CLEC16A: variants seen among roughly 807,000 people sequenced by gnomAD.
CLEC16A encodes the protein C-type lectin domain containing 16A.
In CLEC16A, 51 loss-of-function variants were observed where a neutral mutation model predicts 109.5. The ratio of observed to expected loss-of-function variants is 0.47; its 90% CI spans 0.37 to 0.59. The LOEUF (loss-of-function observed/expected upper bound fraction) is 0.59, where lower values mean the gene tolerates loss of function less well. Among genes scored for constraint, CLEC16A ranks in the 20% least tolerant of loss-of-function variants. The pLI, the probability that CLEC16A is intolerant of heterozygous loss-of-function variation, is 0.00. For synonymous variants in CLEC16A, 673 were observed against 564.2 expected (o/e 1.19, Z -2.73); for missense variants, 1,339 against 1,394.0 (o/e 0.96, Z 0.63).
At chr16:11,112,315 C>T (rs2051648218) in intron 19 of CLEC16A, among the ~76,000 whole-genome samples, 1 of 151,978 alleles carries the variant, frequency 6.6e-6, no homozygotes, top group Admixed American at 6.6e-5. Context: ...AAATGGGAAC[C>T]TAGGAATGTG....
intron 22 of CLEC16A, among the ~76,000 whole-genome samples, chr16:11,133,006 G>T (rs980950598): frequency 7.9e-5 from 12 of 152,106 alleles, no homozygotes; most frequent in Admixed American, 1.3e-4. Flanking sequence ...GAGCTGGCAA[G>T]TTGGACTTCA....
chr16:11,017,452 C>A (rs905451275), intron 11 of CLEC16A, among the ~76,000 whole-genome samples: 2 of 152,184 alleles, frequency 1.3e-5, no homozygotes, highest in Non-Finnish European at 2.9e-5. Context: ...AAGGACAAAT[C>A]TCCTCTACAG....
At chr16:11,036,394 G>A (rs554180557) in intron 13 of CLEC16A, among the ~76,000 whole-genome samples, 2 of 152,144 alleles carry the variant, frequency 1.3e-5, no homozygotes, top group South Asian at 4.1e-4. Context: ...CCAGTTCAAG[G>A]CAAACTCCTG....
intron 22 of CLEC16A, among the ~76,000 whole-genome samples, chr16:11,130,386 CAAAG>C (rs1191629411): frequency 2.0e-5 from 3 of 152,298 alleles, no homozygotes; most frequent in Non-Finnish European, 2.9e-5. Context: ...CAAGGGAACA[CAAAG>C]GAACTGAGAA....
At chr16:11,004,751 T>C (rs1195894762) in intron 11 of CLEC16A, among the ~76,000 whole-genome samples, 1 of 149,084 alleles carries the variant, frequency 6.7e-6, no homozygotes, top group East Asian at 2.0e-4. Flanking sequence ...GTAACCAAAA[T>C]GTCTCTCTGG....
chr16:11,150,522 G>T (rs528134368), intron 22 of CLEC16A, among the ~76,000 whole-genome samples: 1 of 152,288 alleles, frequency 6.6e-6, no homozygotes, highest in South Asian at 2.1e-4. Flanking sequence ...ACCTCTCTCT[G>T]TGTGCACGTG....
chr16:11,107,806 G>A (rs1340115950), intron 19 of CLEC16A, among the ~76,000 whole-genome samples: 1 of 152,236 alleles, frequency 6.6e-6, no homozygotes. Context: ...GCCCCAGAAT[G>A]GCTGCTGTTT....
intron 22 of CLEC16A, among the ~76,000 whole-genome samples, chr16:11,140,036 T>A (rs1274395889): frequency 6.6e-6 from 1 of 152,254 alleles, no homozygotes; most frequent in African/African-American, 2.4e-5. Context: ...TCAAAGTTCA[T>A]CCCTGGAGAG....
chr16:11,050,632 C>A (rs1046194410), intron 17 of CLEC16A, among the ~76,000 whole-genome samples: 3 of 152,194 alleles, frequency 2.0e-5, no homozygotes, highest in Admixed American at 1.3e-4. Flanking sequence ...GGGGATGTCA[C>A]CCTGTGTCTT....
intron 22 of CLEC16A, among the ~76,000 whole-genome samples, chr16:11,139,950 C>T (rs2053745726): frequency 6.6e-6 from 1 of 152,196 alleles, no homozygotes; most frequent in South Asian, 2.1e-4. Flanking sequence ...TATGTAAATA[C>T]TGTATAAAGT....
intron 19 of CLEC16A, among the ~76,000 whole-genome samples, chr16:11,115,576 T>C (rs544293348): frequency 6.6e-6 from 1 of 152,314 alleles, no homozygotes; most frequent in East Asian, 1.9e-4. Context: ...TTTTGCCATG[T>C]TGCACAGGCC....
chr16:11,136,660 AAACACCG>A (rs2153058638), intron 22 of CLEC16A, among the ~76,000 whole-genome samples: 1 of 152,340 alleles, frequency 6.6e-6, no homozygotes, highest in Non-Finnish European at 1.5e-5. Flanking sequence ...GGCGTTGGTA[AAACACCG>A]GGGTGTAATA....
chr16:11,061,313 C>T (rs2048468683), intron 19 of CLEC16A, among the ~76,000 whole-genome samples: 1 of 152,182 alleles, frequency 6.6e-6, no homozygotes, highest in Non-Finnish European at 1.5e-5. Context: ...TCCAGGGTTC[C>T]TGTCCTCCCT....
At chr16:11,163,600 G>A (rs760668982) in intron 22 of CLEC16A, among the ~76,000 whole-genome samples, 26 of 152,196 alleles carry the variant, frequency 1.7e-4, no homozygotes, top group Non-Finnish European at 3.4e-4. Context: ...TGCAGTGCCA[G>A]CTTCTCATCT....
At chr16:11,123,113 A>G (rs1228922634) in intron 20 of CLEC16A, among the ~76,000 whole-genome samples, 1 of 152,100 alleles carries the variant, frequency 6.6e-6, no homozygotes, top group East Asian at 1.9e-4. Flanking sequence ...CCTCTTGGCC[A>G]GGCTGGTCTC....
At chr16:11,118,689 G>A (rs559555860) in intron 19 of CLEC16A, among the ~76,000 whole-genome samples, 2 of 152,290 alleles carry the variant, frequency 1.3e-5, no homozygotes, top group South Asian at 4.1e-4. Context: ...TGCTTTTGAG[G>A]TCTTAGTCAT....
chr16:11,124,995 G>C lies in CLEC16A; in HGVS notation c.2474-984G>C, dbSNP rs377735822. Among the ~76,000 whole-genome samples, 105 of 152,216 alleles carry C rather than the reference G, an allele frequency of 6.9e-4. 2 individuals are homozygous for C. The South Asian group carries it at 0.022, about 31-fold the overall frequency. ...TCCCAGCTATTCGGGAGGCTGAGGC[G>C]GGAGGATCACTTGAGCCTGGGAGGT... is the stretch of plus-strand genomic sequence containing the variant. On this transcript the variant is annotated intron_variant, in intron 21 of 23. Coordinates refer to ENST00000409790, the MANE Select transcript of CLEC16A (RefSeq NM_015226.3).
intron 3 of CLEC16A, among the ~76,000 whole-genome samples, chr16:10,968,566 G>A (rs1475990621): frequency 1.3e-5 from 2 of 152,170 alleles, no homozygotes; most frequent in Admixed American, 6.5e-5. Context: ...CTCTGTGCAC[G>A]GGTAAGTTAA....
At chr16:11,045,651 A>G (rs1310680571) in intron 16 of CLEC16A, among the ~76,000 whole-genome samples, 2 of 152,144 alleles carry the variant, frequency 1.3e-5, no homozygotes, top group African/African-American at 4.8e-5. Flanking sequence ...CCATAGGTCA[A>G]GTAGTCATTT....
Sources: gnomAD v4.1 joint callset for allele counts (sites outside exome capture counted in the v4.1 genomes callset) on GRCh38, gnomAD v4.1.1 for gene constraint, MANE v1.5 for transcripts, NCBI Gene and HGNC (gene_info 2026-07-23, HGNC 2026-07-21) for gene names.